The following FMNL1 variants were observed in gnomAD, a reference collection of about 807,000 sequenced individuals.
FMNL1 encodes the protein formin like 1.
A neutral mutation model predicts 121.3 loss-of-function variants in FMNL1; 43 were observed. The observed-to-expected ratio is 0.35, with a 90% CI of 0.28 to 0.46. The LOEUF (loss-of-function observed/expected upper bound fraction) is 0.46, where lower values mean the gene tolerates loss of function less well. Among genes scored for constraint, FMNL1 ranks in the 20% least tolerant of loss-of-function variants. FMNL1 has a pLI of 1.00. For missense variants in FMNL1, 1,191 were observed against 1,482.4 expected (o/e 0.80, Z 3.23); for synonymous variants, 613 against 613.5 (o/e 1.00, Z 0.01).
intron 11 of FMNL1, 76 bp downstream of exon 11, chr17:45,239,141 G>A: frequency 7.8e-7 from 1 of 1,283,280 alleles, no homozygotes; most frequent in Non-Finnish European, 1.1e-6. Flanking sequence ...CAGCATGAGT[G>A]CTGGGGTCAG....
At chr17:45,236,069 G>C in intron 6 of FMNL1, 67 bp from the exon 7 acceptor site, 1 of 1,315,468 alleles carries the variant, frequency 7.6e-7, no homozygotes, top group Non-Finnish European at 1.1e-6. Context: ...CCCAGAGGCT[G>C]AGTGGTGGGG....
Position 45,231,419 on chromosome 17 carries a change from C to T in FMNL1, c.213+732C>T. On this transcript the variant is annotated intron_variant, in intron 2 of 26. Transcript: ENST00000331495. The surrounding 1 kb of genome is among the most constrained non-coding windows in gnomAD (Gnocchi z 4.7). ...CTGCTAATGAAGCAGATGGCCTGAG[C>T]CGGCTGGGCAGCAGTCCAGGGGTAA... 6.6e-6 allele frequency: 1 copy of T among 152,514 alleles called. No homozygotes were observed. Among genetic ancestry groups the T allele is most frequent in the Non-Finnish European group, 1.5e-5 (1 of 68,184 alleles). The allele number at this position is 152,514 out of a possible 1,614,324, so 9.4% of individuals were successfully genotyped here. A position where few individuals can be genotyped will look rare whatever the true frequency, so the allele number is the denominator to read the frequency against.
intron 1 of FMNL1, 44 bp from the exon 2 acceptor site, chr17:45,230,560 G>A: frequency 6.2e-7 from 1 of 1,606,864 alleles, no homozygotes. Flanking sequence ...CTCTCCCCTT[G>A]TTGGGGCCCC....
Position 45,222,284 on chromosome 17 carries a change from G to A in FMNL1, c.129+31G>A, listed in dbSNP as rs1354020986. On this transcript the variant is annotated intron_variant, in intron 1 of 26. Transcript: ENST00000331495. ...TGCGACCCGGAGGCGGGTCGGGCGC[G>A]GGCGGGGGGCGGCAGGGGCGCGGCA... The A allele has an allele frequency of 2.1e-5, 24 of 1,162,756 alleles. No individual in the cohort carries two copies. The Middle Eastern group carries it at 1.4e-3, about 69-fold the overall frequency. The allele number at this position is 1,162,756 out of a possible 1,614,324, so 72.0% of individuals were successfully genotyped here.
intron 22 of FMNL1, 107 bp downstream of exon 22, chr17:45,245,523 G>A: frequency 1.2e-6 from 2 of 1,603,314 alleles, no homozygotes; most frequent in Non-Finnish European, 1.7e-6. Flanking sequence ...GATGCAGCAG[G>A]AATGAGGGGC....
rs2043484449 is a variant in FMNL1 at position 45,233,530 on chromosome 17, A to G, written c.402-118A>G. 4.2e-6 allele frequency: 5 copies of G among 1,186,634 alleles called. No homozygotes were observed. The highest frequency in any genetic ancestry group is 2.1e-5 in the Admixed American group (1 of 48,672). The allele number at this position is 1,186,634 out of a possible 1,614,324, so 73.5% of individuals were successfully genotyped here. On this transcript the variant is annotated intron_variant, in intron 4 of 26. Coordinates refer to ENST00000331495, the MANE Select transcript of FMNL1 (RefSeq NM_005892.4). The surrounding 1 kb of genome is among the most constrained non-coding windows in gnomAD (Gnocchi z 4.1). ...CCTGAGTCTCCCAGAATCCTTTGGT[A>G]TCATTGGGTCTTTGGGGGTTGAAAG...
chr17:45,226,521 T>C (rs2043333607), intron 1 of FMNL1, among the ~76,000 whole-genome samples: 1 of 152,220 alleles, frequency 6.6e-6, no homozygotes, highest in Non-Finnish European at 1.5e-5. Flanking sequence ...CGGGTCTTCC[T>C]TGCTAGCTTG....
rs1360235115 is a variant in FMNL1, at chr17:45,233,032, G to A, written c.328-192G>A. The A allele has an allele frequency of 2.9e-6, 2 of 681,826 alleles. No homozygotes were observed. Among genetic ancestry groups the A allele is most frequent in the Admixed American group, 2.0e-5 (1 of 49,032 alleles). 42.2% of individuals were successfully genotyped at this position (681,826 alleles called of 1,614,324 possible). A position where few individuals can be genotyped will look rare whatever the true frequency, so the allele number is the denominator to read the frequency against. On this transcript the variant is annotated intron_variant, in intron 3 of 26. Transcript: ENST00000331495. This position sits in a 1 kb window ranked among gnomAD's most constrained non-coding sequence, Gnocchi z 4.1. Reference sequence around the variant, plus strand: ...GTGTGTACCCTGCTTGTCTATGTATGGGGGAGCACATGTAGCCTGTGAGTT... The same window carrying A: ...GTGTGTACCCTGCTTGTCTATGTATAGGGGAGCACATGTAGCCTGTGAGTT...
Position 45,244,033 on chromosome 17 carries a change from C to A in FMNL1, c.2448+8C>A. On this transcript the variant is annotated splice_region_variant and intron_variant, in intron 18 of 26. Transcript: ENST00000331495. ...GCCCAGCTGCTCATGCCGGTGTGGG[C>A]GGAGCGGGCAGGGCGGTGTGACTTG... The A allele has an allele frequency of 3.1e-6, 5 of 1,604,330 alleles. No homozygotes were observed. The highest frequency in any genetic ancestry group is 4.3e-6 in the Non-Finnish European group (5 of 1,175,660).
rs2043685812 is a variant in FMNL1, at chr17:45,241,299, C to T, written c.1332+69C>T. On this transcript the variant is annotated intron_variant, in intron 13 of 26. Transcript: ENST00000331495. This position sits in a 1 kb window ranked among gnomAD's most constrained non-coding sequence, Gnocchi z 7.0. Reference sequence around the variant, plus strand: ...CAGCTGAGGCTTCTAGGCTTGACATCTCCCTCCACCCCGGGAAGAAGATGG... The same window carrying T: ...CAGCTGAGGCTTCTAGGCTTGACATTTCCCTCCACCCCGGGAAGAAGATGG... 1 of 1,607,758 alleles carries T rather than the reference C, an allele frequency of 6.2e-7. No individual in the cohort carries two copies. Among genetic ancestry groups the T allele is most frequent in the Admixed American group, 1.7e-5 (1 of 59,288 alleles).
chr17:45,237,424 C>G lies in FMNL1; in HGVS notation c.800+67C>G. On this transcript the variant is annotated intron_variant, in intron 8 of 26. Coordinates refer to ENST00000331495, the MANE Select transcript of FMNL1 (RefSeq NM_005892.4). This position sits in a 1 kb window ranked among gnomAD's most constrained non-coding sequence, Gnocchi z 4.4. ...TCTCCTACTTAGCCCCTTGCTTACT[C>G]TGTCCTCCAGGTCTCAGAGGCTCAT... 6.2e-7 allele frequency: 1 copy of G among 1,610,030 alleles called. No homozygotes were observed.
intron 3 of FMNL1, 49 bp downstream of exon 3, chr17:45,232,529 G>C (rs2043460767): frequency 2.6e-6 from 4 of 1,559,400 alleles, no homozygotes. Flanking sequence ...CATTTTCCAA[G>C]CTCTGGGCAG....
chr17:45,245,565 G>A, intron 22 of FMNL1, 67 bp from the exon 23 acceptor site: 1 of 1,604,036 alleles, frequency 6.2e-7, no homozygotes, highest in South Asian at 1.1e-5. Context: ...AGATCAGGTG[G>A]CCAGTGTCCT....
intron 9 of FMNL1, 151 bp from the exon 10 acceptor site, chr17:45,238,413 T>G: frequency 1.4e-6 from 1 of 698,644 alleles, no homozygotes; most frequent in East Asian, 2.8e-5. Context: ...AGTGGGAGAT[T>G]GAGAGGGAGT....
rs753079053 is a variant in FMNL1, at chr17:45,246,593, C to T, written c.3300C>T (p.Leu1100=). The change falls in exon 26 of 27, where the codon CTC becomes CTT. Residue 1100 remains leucine (L), a synonymous_variant. Coordinates refer to ENST00000331495, the MANE Select transcript of FMNL1 (RefSeq NM_005892.4). The stretch of plus-strand genomic sequence containing the variant: ...CCAGCCTGGGAGAAGAGATGCCCCT[C>T]TAGCCCCTCAGGTACCCAGATGACC... ...CEASLGEEMP[L] 2 of 1,599,768 alleles carry T rather than the reference C, an allele frequency of 1.3e-6. No homozygotes were observed. The highest frequency in any genetic ancestry group is 1.1e-5 in the South Asian group (1 of 89,576).
chr17:45,242,153 G>A lies in FMNL1; in HGVS notation c.1885+7G>A. 6.5e-7 allele frequency: 1 copy of A among 1,537,132 alleles called. No individual in the cohort carries two copies. The highest frequency in any genetic ancestry group is 8.8e-7 in the Non-Finnish European group (1 of 1,141,310). The stretch of plus-strand genomic sequence containing the variant: ...GACTCAGAATTGGGCCCAGGTGAGT[G>A]GAGTGGACCACCTTGGGCCCGGGGC... On this transcript the variant is annotated splice_region_variant and intron_variant, in intron 15 of 26. Transcript: ENST00000331495.
At chr17:45,229,946 C>T (rs1208379960) in intron 1 of FMNL1, among the ~76,000 whole-genome samples, 2 of 152,242 alleles carry the variant, frequency 1.3e-5, no homozygotes, top group Non-Finnish European at 2.9e-5. Context: ...TGATCTGGAA[C>T]TCCCTGCCTG....
intron 6 of FMNL1, chr17:45,234,403 G>A: frequency 1.3e-6 from 1 of 799,730 alleles, no homozygotes; most frequent in South Asian, 1.6e-5. Flanking sequence ...TGTGGCTCAT[G>A]CCTGTAATCC....
Position 45,233,381 on chromosome 17 carries a change from C to G in FMNL1, c.401+84C>G, listed in dbSNP as rs2043481267. The G allele has an allele frequency of 7.3e-7, 1 of 1,376,978 alleles. No homozygotes were observed. The highest frequency in any genetic ancestry group is 9.9e-7 in the Non-Finnish European group (1 of 1,005,564). The allele number at this position is 1,376,978 out of a possible 1,614,324, so 85.3% of individuals were successfully genotyped here. On this transcript the variant is annotated intron_variant, in intron 4 of 26. Coordinates refer to ENST00000331495, the MANE Select transcript of FMNL1 (RefSeq NM_005892.4). The surrounding 1 kb of genome is among the most constrained non-coding windows in gnomAD (Gnocchi z 4.1). Reference sequence around the variant, plus strand: ...TCCTGGAGCTTCCCCTTCCTACTCCCCCTGCCCCCTGCACAAGGCTGTGCT... The same window carrying G: ...TCCTGGAGCTTCCCCTTCCTACTCCGCCTGCCCCCTGCACAAGGCTGTGCT...
Sources: allele counts gnomAD v4.1 joint callset (sites outside exome capture counted in the v4.1 genomes callset), GRCh38; gene constraint gnomAD v4.1.1; non-coding constraint Gnocchi (gnomAD v3.1); transcripts MANE v1.5; gene names NCBI Gene and HGNC (gene_info 2026-07-23, HGNC 2026-07-21).